Variants in CPS1 observed in about 807,000 individuals in gnomAD.
CPS1 encodes carbamoyl-phosphate synthase 1.
Under a neutral mutation model 174.6 loss-of-function variants are expected in CPS1, and 109 were observed. That is an observed-to-expected ratio of 0.62 (90% confidence interval 0.53 to 0.73). CPS1 has a LOEUF of 0.73. CPS1 is among the 30% of genes least tolerant of loss of function. CPS1 has a pLI of 0.00. For missense variants in CPS1, 1,689 were observed against 1,821.9 expected, an observed-to-expected ratio of 0.93 and a Z score of 1.33; for synonymous variants, 637 against 632.0, an observed-to-expected ratio of 1.01 and a Z score of -0.12.
intron 21 of CPS1, among the ~76,000 whole-genome samples, chr2:210,629,208 A>C (rs1699786243): frequency 6.6e-6 from 1 of 152,252 alleles, no homozygotes; most frequent in Non-Finnish European, 1.5e-5. Flanking sequence ...TAAAATTATA[A>C]ATAAATGTAT....
intron 1 of CPS1, among the ~76,000 whole-genome samples, chr2:210,489,570 C>T (rs1156461263): frequency 6.6e-6 from 1 of 152,086 alleles, no homozygotes; most frequent in Non-Finnish European, 1.5e-5. Flanking sequence ...CACTCTGACA[C>T]TTCTAATTTG....
chr2:210,528,420 C>A (rs530972457), intron 1 of CPS1, among the ~76,000 whole-genome samples: 1 of 151,902 alleles, frequency 6.6e-6, no homozygotes, highest in African/African-American at 2.4e-5. Flanking sequence ...AGACTATCTC[C>A]TCTCATTATG....
intron 1 of CPS1, among the ~76,000 whole-genome samples, chr2:210,571,393 G>A (rs1039505680): frequency 5.3e-5 from 8 of 151,770 alleles, no homozygotes; most frequent in African/African-American, 1.9e-4. Flanking sequence ...CACATAAAAT[G>A]TACAGTAGAG....
At chr2:210,610,769 A>G (rs1473394264) in intron 19 of CPS1, among the ~76,000 whole-genome samples, 2 of 151,848 alleles carry the variant, frequency 1.3e-5, no homozygotes, top group South Asian at 2.1e-4. Flanking sequence ...GCAAAAATAT[A>G]TAGAGAGAGT....
At chr2:210,505,570 A>G (rs1032564248) in intron 1 of CPS1, among the ~76,000 whole-genome samples, 1 of 87,704 alleles carries the variant, frequency 1.1e-5, no homozygotes, top group Admixed American at 1.4e-4. Flanking sequence ...TGCACTGAGC[A>G]TGAGCCGAAG....
At chr2:210,538,885 G>GA in intron 1 of CPS1, among the ~76,000 whole-genome samples, 1 of 152,078 alleles carries the variant, frequency 6.6e-6, no homozygotes, top group Middle Eastern at 3.4e-3. Context: ...CTTCCTATGG[G>GA]AAAAAATAAT....
At chr2:210,512,809 G>A (rs1695539217) in intron 1 of CPS1, among the ~76,000 whole-genome samples, 1 of 104,288 alleles carries the variant, frequency 9.6e-6, no homozygotes, top group African/African-American at 4.0e-5. Context: ...TATATATATG[G>A]AGAGAGAGAG....
intron 5 of CPS1, 43 bp from the exon 6 acceptor site, chr2:210,582,574 A>G (rs757275824): frequency 1.4e-6 from 2 of 1,455,182 alleles, no homozygotes; most frequent in Non-Finnish European, 9.7e-7. Flanking sequence ...CAACACCTTT[A>G]TCGTTGCTTC....
intron 1 of CPS1, among the ~76,000 whole-genome samples, chr2:210,520,368 A>G (rs1364467618): frequency 5.9e-5 from 9 of 152,012 alleles, no homozygotes; most frequent in Admixed American, 5.9e-4. Context: ...ACATAGGTAT[A>G]TATGTGCCAT....
At chr2:210,514,314 A>C (rs1695613189) in intron 1 of CPS1, among the ~76,000 whole-genome samples, 1 of 152,044 alleles carries the variant, frequency 6.6e-6, no homozygotes, top group African/African-American at 2.4e-5. Context: ...CCTATCCATG[A>C]ACATAAAATG....
At chr2:210,593,399 G>A (rs1303114193) in intron 11 of CPS1, 3 of 1,066,194 alleles carry the variant, frequency 2.8e-6, no homozygotes, top group East Asian at 1.5e-4. Context: ...GGAGGGGAAG[G>A]GTGTTGGAGG....
At chr2:210,581,736 T>C (rs1054093075) in intron 5 of CPS1, among the ~76,000 whole-genome samples, 5 of 152,172 alleles carry the variant, frequency 3.3e-5, no homozygotes, top group African/African-American at 1.2e-4. Flanking sequence ...CATGCTTGCA[T>C]GACACATAGG....
At chr2:210,621,180 TG>T (rs1699513880) in intron 21 of CPS1, among the ~76,000 whole-genome samples, 1 of 152,124 alleles carries the variant, frequency 6.6e-6, no homozygotes, top group Non-Finnish European at 1.5e-5. Context: ...ATTTATAGGC[TG>T]GTGTAGTAGC....
intron 20 of CPS1, 124 bp downstream of exon 20, chr2:210,612,417 T>G: frequency 2.2e-6 from 2 of 889,274 alleles, no homozygotes; most frequent in South Asian, 2.8e-5. Context: ...AATTTTTAAT[T>G]CTTTTATAGT....
chr2:210,510,444 A>T (rs1375302185), intron 1 of CPS1, among the ~76,000 whole-genome samples: 1 of 152,190 alleles, frequency 6.6e-6, no homozygotes, highest in Non-Finnish European at 1.5e-5. Flanking sequence ...AACCTAGGCA[A>T]TACCATTCAG....
chr2:210,644,077 C>T (rs1404973891), intron 25 of CPS1, among the ~76,000 whole-genome samples: 1 of 151,912 alleles, frequency 6.6e-6, no homozygotes, highest in African/African-American at 2.4e-5. Flanking sequence ...TTAATTATGT[C>T]CTCATGAAAT....
At chr2:210,512,865 T>G (rs375323525) in intron 1 of CPS1, among the ~76,000 whole-genome samples, 99 of 40,800 alleles carry the variant, frequency 2.4e-3, no homozygotes, top group South Asian at 6.3e-3. Flanking sequence ...TATATATAGA[T>G]ATATATATAT....
intron 20 of CPS1, 134 bp downstream of exon 20, chr2:210,612,427 T>G (rs1034530767): frequency 2.5e-6 from 2 of 799,670 alleles, no homozygotes; most frequent in African/African-American, 3.4e-5. Context: ...TCTTTTATAG[T>G]ATTAAACTGG....
chr2:210,608,317 T>C (rs1316312677), intron 18 of CPS1, 44 bp from the exon 19 acceptor site: 3 of 1,587,086 alleles, frequency 1.9e-6, no homozygotes, highest in South Asian at 1.1e-5. Context: ...CTGTTTTCAA[T>C]AATTGCTCGA....
Sources: gnomAD v4.1 joint callset for allele counts (sites outside exome capture counted in the v4.1 genomes callset) on GRCh38, gnomAD v4.1.1 for gene constraint, MANE v1.5 for transcripts, NCBI Gene and HGNC (gene_info 2026-07-23, HGNC 2026-07-21) for gene names.